Variants in C8orf34 observed in about 807,000 individuals in gnomAD.
The protein encoded by C8orf34 is chromosome 8 open reading frame 34.
Under a neutral mutation model 68.3 loss-of-function variants are expected in C8orf34, and 65 were observed. That is an observed-to-expected ratio of 0.95 (90% CI 0.78 to 1.17). C8orf34 has a LOEUF of 1.17. Among genes scored for constraint, C8orf34 ranks in the 50% most tolerant of loss-of-function variants. C8orf34 has a pLI of 0.00. For synonymous variants in C8orf34, 244 were observed against 241.2 expected (o/e 1.01, Z -0.11); for missense variants, 664 against 655.4 (o/e 1.01, Z -0.14).
chr8:68,603,278 A>T (rs1348076333), intron 7 of C8orf34, among the ~76,000 whole-genome samples: 1 of 152,110 alleles, frequency 6.6e-6, no homozygotes, highest in Non-Finnish European at 1.5e-5. Flanking sequence ...ATAGTTTCTC[A>T]TAAAGTTAAA....
chr8:68,566,846 C>A lies in C8orf34; in HGVS notation c.1105+33697C>A, dbSNP rs114771959. Among the ~76,000 whole-genome samples, 1,041 of 152,238 alleles carry A rather than the reference C, an allele frequency of 6.8e-3. 16 individuals are homozygous for A. Among genetic ancestry groups the A allele is most frequent in the African/African-American group, 0.023 (967 of 41,532 alleles). ...CAAGAGTTTTCATCATAAAGGGATGCTGGATTTTGTTGAAGGCTTTTTCTG... is the reference window on the plus strand; with the variant it reads ...CAAGAGTTTTCATCATAAAGGGATGATGGATTTTGTTGAAGGCTTTTTCTG... On this transcript the variant is annotated intron_variant, in intron 7 of 13. Transcript: ENST00000518698.
At chr8:68,592,219 T>C (rs1403617991) in intron 7 of C8orf34, among the ~76,000 whole-genome samples, 2 of 105,806 alleles carry the variant, frequency 1.9e-5, no homozygotes, top group African/African-American at 7.4e-5. Context: ...TATGGTAATA[T>C]ATTTAATTTT....
intron 8 of C8orf34, among the ~76,000 whole-genome samples, chr8:68,702,245 T>C (rs1445082965): frequency 6.6e-6 from 1 of 152,116 alleles, no homozygotes; most frequent in African/African-American, 2.4e-5. Flanking sequence ...TCCGTGCTTC[T>C]GCTCTTCTCT....
chr8:68,459,915 C>T (rs889295681), intron 3 of C8orf34, among the ~76,000 whole-genome samples: 3 of 152,164 alleles, frequency 2.0e-5, no homozygotes, highest in Non-Finnish European at 4.4e-5. Context: ...GTTCACCTCA[C>T]TAGGGAGTAT....
intron 8 of C8orf34, among the ~76,000 whole-genome samples, chr8:68,687,110 A>G (rs1820541921): frequency 6.6e-6 from 1 of 152,136 alleles, no homozygotes; most frequent in South Asian, 2.1e-4. Context: ...CAAAAAGAAA[A>G]TATGATGACA....
chr8:68,423,338 G>A (rs72664944), intron 1 of C8orf34, among the ~76,000 whole-genome samples: 2,196 of 152,168 alleles, frequency 0.014, 53 homozygotes, highest in African/African-American at 0.046. Flanking sequence ...CTCTAATTCA[G>A]GGACAAAATG....
At chr8:68,605,257 G>A (rs1227150780) in intron 7 of C8orf34, among the ~76,000 whole-genome samples, 1 of 152,108 alleles carries the variant, frequency 6.6e-6, no homozygotes, top group Non-Finnish European at 1.5e-5. Flanking sequence ...TTCATTCCTG[G>A]TAGGAATGCG....
rs568913845 is a variant in C8orf34, at chr8:68,513,559, G to A, written c.766-8240G>A. 3.9e-5 allele frequency among the ~76,000 whole-genome samples: 6 copies of A among 152,274 alleles called. No homozygotes were observed. In the East Asian group the frequency reaches 7.7e-4, roughly 20 times the overall value. On this transcript the variant is annotated intron_variant, in intron 5 of 13. Transcript: ENST00000518698. ...TTGTGGGGCCTGGCCTAGTAAAAACGTCTTCTAAAAGGAATAAAAAATAAA... is the reference window on the plus strand; with the variant it reads ...TTGTGGGGCCTGGCCTAGTAAAAACATCTTCTAAAAGGAATAAAAAATAAA...
intron 9 of C8orf34, 113 bp from the exon 10 acceptor site, chr8:68,721,247 AT>A: frequency 3.0e-6 from 2 of 670,922 alleles, no homozygotes; most frequent in Middle Eastern, 4.1e-4. Flanking sequence ...AAACACTATG[AT>A]TTTTTCAACA....
intron 1 of C8orf34, among the ~76,000 whole-genome samples, chr8:68,378,851 CTA>C (rs1293846985): frequency 8.6e-5 from 13 of 152,046 alleles, no homozygotes; most frequent in African/African-American, 2.9e-4. Context: ...TTGAATGCCT[CTA>C]TTGTAACTTT....
intron 1 of C8orf34, among the ~76,000 whole-genome samples, chr8:68,402,022 A>G (rs1808980094): frequency 6.6e-6 from 1 of 152,076 alleles, no homozygotes; most frequent in African/African-American, 2.4e-5. Flanking sequence ...AAATTTGGCT[A>G]CAAATTCACC....
chr8:68,815,253 T>C (rs566754431), intron 12 of C8orf34, among the ~76,000 whole-genome samples: 59 of 152,314 alleles, frequency 3.9e-4, no homozygotes, highest in African/African-American at 1.3e-3. Flanking sequence ...AAGATAGTCT[T>C]ATATTCTTCT....
At chr8:68,473,905 C>G (rs1342343432) in intron 4 of C8orf34, among the ~76,000 whole-genome samples, 1 of 152,166 alleles carries the variant, frequency 6.6e-6, no homozygotes, top group East Asian at 1.9e-4. Flanking sequence ...CGCTGTCATT[C>G]TTCTGACTCC....
At chr8:68,735,402 C>A (rs1822096509) in intron 10 of C8orf34, among the ~76,000 whole-genome samples, 1 of 152,120 alleles carries the variant, frequency 6.6e-6, no homozygotes, top group African/African-American at 2.4e-5. Flanking sequence ...TAACACGTAG[C>A]TGCATCATGT....
At chr8:68,678,133 T>A (rs561142741) in intron 8 of C8orf34, among the ~76,000 whole-genome samples, 1 of 152,308 alleles carries the variant, frequency 6.6e-6, no homozygotes, top group Admixed American at 6.5e-5. Flanking sequence ...TGCTGAATTT[T>A]ACCAAACATT....
intron 11 of C8orf34, among the ~76,000 whole-genome samples, chr8:68,781,998 T>C (rs1823691441): frequency 6.6e-6 from 1 of 152,230 alleles, no homozygotes; most frequent in African/African-American, 2.4e-5. Context: ...ATTGACTTAC[T>C]ACTCATATCT....
Position 68,567,577 on chromosome 8 carries a change from C to CTTTTTTTTTTTTTTTTT in C8orf34, c.1105+34447_1105+34463dup, listed in dbSNP as rs1160845483. Among the ~76,000 whole-genome samples the CTTTTTTTTTTTTTTTTT allele has an allele frequency of 1.0e-4, 3 of 29,780 alleles. 1 individual carries two copies. Among genetic ancestry groups the CTTTTTTTTTTTTTTTTT allele is most frequent in the African/African-American group, 2.3e-4 (2 of 8,528 alleles). The allele number at this position is 29,780 out of a possible 152,430, so 19.5% of individuals were successfully genotyped here. On this transcript the variant is annotated intron_variant, in intron 7 of 13. Transcript: ENST00000518698. The stretch of plus-strand genomic sequence containing the variant: ...TCTTTTCAAATTTTGTTTCATTTAT[C>CTTTTTTTTTTTTTTTTT]TTTTTTTTTTTTTTTTTTTTTTTTT...
intron 7 of C8orf34, among the ~76,000 whole-genome samples, chr8:68,578,141 T>C (rs1346207501): frequency 3.3e-5 from 5 of 152,018 alleles, no homozygotes; most frequent in African/African-American, 1.2e-4. Context: ...AGGCACTCAC[T>C]TGCCAAGATT....
At chr8:68,633,074 C>A (rs1464001450) in intron 7 of C8orf34, among the ~76,000 whole-genome samples, 1 of 152,148 alleles carries the variant, frequency 6.6e-6, no homozygotes, top group Non-Finnish European at 1.5e-5. Context: ...AAAAAATAAT[C>A]AACCAACAGC....
Sources: gnomAD v4.1 joint callset for allele counts (sites outside exome capture counted in the v4.1 genomes callset) on GRCh38, gnomAD v4.1.1 for gene constraint, MANE v1.5 for transcripts, NCBI Gene and HGNC (gene_info 2026-07-23, HGNC 2026-07-21) for gene names.